The following KCNQ5 variants were observed in gnomAD, a reference collection of about 807,000 sequenced individuals.
The protein encoded by KCNQ5 is potassium voltage-gated channel subfamily KQT member 5.
In KCNQ5, 30 loss-of-function variants were observed where a neutral mutation model predicts 98.2. That is an observed-to-expected ratio of 0.31 (90% CI 0.23 to 0.41). The LOEUF (loss-of-function observed/expected upper bound fraction) is 0.41, where lower values mean the gene tolerates loss of function less well. Among genes scored for constraint, KCNQ5 ranks in the 10% least tolerant of loss-of-function variants. The pLI is 1.00. For synonymous variants in KCNQ5, 458 were observed against 449.4 expected (o/e 1.02, Z -0.24); for missense variants, 835 against 1,182.5 (o/e 0.71, Z 4.31).
chr6:72,889,583 T>C (rs1290169678), intron 1 of KCNQ5, among the ~76,000 whole-genome samples: 1 of 152,186 alleles, frequency 6.6e-6, no homozygotes, highest in African/African-American at 2.4e-5. Flanking sequence ...CCAAGCGCCA[T>C]GCTAGAAACT....
In KCNQ5 at chr6:72,622,172, G is replaced by T. The variant is rs1434064513; in HGVS notation, c.-18G>T. On this transcript the variant is annotated 5_prime_UTR_variant, in exon 1 of 14. Coordinates refer to ENST00000370398, the MANE Select transcript of KCNQ5 (RefSeq NM_019842.4). The surrounding 1 kb of genome is among the most constrained non-coding windows in gnomAD (Gnocchi z 6.0). ...CCGCAGGCGCTGGCGGCCCCCTCGC[G>T]GTGCCCGTGGTGATGCCATGCCCCG... 3.3e-6 allele frequency: 4 copies of T among 1,219,262 alleles called. No homozygotes were observed. Among genetic ancestry groups the T allele is most frequent in the East Asian group, 3.3e-5 (1 of 30,484 alleles). The allele number at this position is 1,219,262 out of a possible 1,614,324, so 75.5% of individuals were successfully genotyped here. A position where few individuals can be genotyped will look rare whatever the true frequency, so the allele number is the denominator to read the frequency against.
At chr6:72,924,756 A>G (rs1780552635) in intron 1 of KCNQ5, among the ~76,000 whole-genome samples, 1 of 152,116 alleles carries the variant, frequency 6.6e-6, no homozygotes, top group African/African-American at 2.4e-5. Flanking sequence ...CCTACAACTG[A>G]AGGATATCTT....
chr6:72,821,412 A>C (rs1775745697), intron 1 of KCNQ5, among the ~76,000 whole-genome samples: 10 of 152,180 alleles, frequency 6.6e-5, no homozygotes, highest in Admixed American at 6.5e-4. Flanking sequence ...CAGCTGCAGC[A>C]TGCATATAAA....
At chr6:73,069,633 A>G (rs1773220025) in intron 3 of KCNQ5, among the ~76,000 whole-genome samples, 1 of 152,148 alleles carries the variant, frequency 6.6e-6, no homozygotes, top group Non-Finnish European at 1.5e-5. Flanking sequence ...GTGTTATGAC[A>G]GGAGCATACC....
chr6:73,166,819 A>G (rs937167332), intron 10 of KCNQ5, among the ~76,000 whole-genome samples: 3 of 152,070 alleles, frequency 2.0e-5, no homozygotes, highest in Admixed American at 6.5e-5. Flanking sequence ...TTGTAGATGC[A>G]TTACTCCAGT....
intron 1 of KCNQ5, among the ~76,000 whole-genome samples, chr6:72,872,391 T>C (rs1259225516): frequency 6.6e-6 from 1 of 152,206 alleles, no homozygotes; most frequent in Non-Finnish European, 1.5e-5. Flanking sequence ...CAAGGGTGTG[T>C]TGCACATGAG....
intron 1 of KCNQ5, among the ~76,000 whole-genome samples, chr6:72,960,404 T>C (rs1409016442): frequency 6.6e-6 from 1 of 151,968 alleles, no homozygotes; most frequent in African/African-American, 2.4e-5. Flanking sequence ...CCCAAATACA[T>C]TTGTTGTTGT....
At chr6:73,089,240 C>T (rs1029207475) in intron 5 of KCNQ5, among the ~76,000 whole-genome samples, 15 of 152,070 alleles carry the variant, frequency 9.9e-5, no homozygotes, top group African/African-American at 2.7e-4. Context: ...ACAATTTAAT[C>T]AATATACAAT....
intron 5 of KCNQ5, among the ~76,000 whole-genome samples, chr6:73,078,684 T>A (rs1463748477): frequency 6.6e-6 from 1 of 152,188 alleles, no homozygotes; most frequent in Non-Finnish European, 1.5e-5. Context: ...CTAGGCAGAA[T>A]TTATTTACAT....
At chr6:73,185,638 G>A (rs1005826137) in intron 11 of KCNQ5, among the ~76,000 whole-genome samples, 1 of 152,180 alleles carries the variant, frequency 6.6e-6, no homozygotes, top group African/African-American at 2.4e-5. Flanking sequence ...TTCCAAGGAC[G>A]AAGTGGAAGG....
intron 10 of KCNQ5, chr6:73,135,092 A>G (rs961956003): frequency 2.6e-5 from 4 of 152,164 alleles, no homozygotes; most frequent in African/African-American, 9.7e-5. Context: ...GACACATCCC[A>G]CCTACCAATT....
At position 73,041,959 on chromosome 6, in the gene KCNQ5, T is replaced by C. The variant is rs1298263339; in HGVS notation, c.513T>C (p.Phe171=). Residue 171 remains phenylalanine, a synonymous_variant, in exon 3 of 14, where the codon TTT becomes TTC. Coordinates refer to ENST00000370398, the MANE Select transcript of KCNQ5 (RefSeq NM_019842.4). The part of the protein sequence containing the change: ...LILEFVMIVV[F]GLEFIIRIWS... Reference sequence around the variant, plus strand: ...AGGAGTTCGTGATGATTGTCGTCTTTGGTTTGGAGTTCATCATTCGAATCT... The same window carrying C: ...AGGAGTTCGTGATGATTGTCGTCTTCGGTTTGGAGTTCATCATTCGAATCT... The C allele has an allele frequency of 6.2e-7, 1 of 1,613,812 alleles. No individual in the cohort carries two copies. Among genetic ancestry groups the C allele is most frequent in the African/African-American group, 1.3e-5 (1 of 74,920 alleles).
intron 1 of KCNQ5, among the ~76,000 whole-genome samples, chr6:72,854,758 T>TTGTGTGTGTGTGTGTGTGTGTGTGTG (rs34867008): frequency 3.9e-5 from 5 of 127,158 alleles, no homozygotes; most frequent in African/African-American, 1.5e-4. Flanking sequence ...ACACCATGGT[T>TTGTGTGTGTGTGTGTGTGTGTGTGTG]TGTGTGTGTG....
intron 1 of KCNQ5, among the ~76,000 whole-genome samples, chr6:72,727,147 A>G (rs1296301560): frequency 6.6e-6 from 1 of 152,274 alleles, no homozygotes; most frequent in Non-Finnish European, 1.5e-5. Context: ...GTGATGAGCC[A>G]TATACCCCAC....
chr6:72,950,060 A>G (rs892659148), intron 1 of KCNQ5, among the ~76,000 whole-genome samples: 6 of 152,198 alleles, frequency 3.9e-5, no homozygotes, highest in African/African-American at 1.4e-4. Flanking sequence ...TCAGGAGCAG[A>G]ATTAGTATAT....
At position 72,806,889 on chromosome 6, in the gene KCNQ5, C is replaced by A. The variant is rs184996240; in HGVS notation, c.398+184302C>A. The A allele has an allele frequency of 1.4e-3, 576 of 424,174 alleles. 1 individual carries two copies. The highest frequency in any genetic ancestry group is 2.3e-3 in the Non-Finnish European group (501 of 216,282). The allele number at this position is 424,174 out of a possible 1,614,324, so 26.3% of individuals were successfully genotyped here. A position where few individuals can be genotyped will look rare whatever the true frequency, so the allele number is the denominator to read the frequency against. On this transcript the variant is annotated intron_variant, in intron 1 of 13. Coordinates refer to ENST00000370398, the MANE Select transcript of KCNQ5 (RefSeq NM_019842.4). ...TTTTTCTCCCATATGAGAATAAGAT[C>A]GACAAACAGCTTTACAGTTTGAAAA... is the stretch of plus-strand genomic sequence containing the variant.
At chr6:72,708,360 G>A (rs962838484) in intron 1 of KCNQ5, among the ~76,000 whole-genome samples, 2 of 152,124 alleles carry the variant, frequency 1.3e-5, no homozygotes, top group Admixed American at 6.6e-5. Flanking sequence ...GTATTAAGAT[G>A]TGAAATGGAA....
rs969611866 is a variant in KCNQ5, at chr6:72,859,954, C to T, written c.399-143954C>T. The stretch of plus-strand genomic sequence containing the variant: ...GTCATTTCTTTATTATTATGTAATC[C>T]TATTCACCAAAAAAAAAAAAGCTTT... On this transcript the variant is annotated intron_variant, in intron 1 of 13. Transcript: ENST00000370398. Among the ~76,000 whole-genome samples, 6 of 148,376 alleles carry T rather than the reference C, an allele frequency of 4.0e-5. No individual in the cohort carries two copies. The South Asian group carries it at 6.3e-4, about 16-fold the overall frequency.
At chr6:72,849,275 C>T (rs1756287092) in intron 1 of KCNQ5, among the ~76,000 whole-genome samples, 1 of 152,052 alleles carries the variant, frequency 6.6e-6, no homozygotes, top group African/African-American at 2.4e-5. Flanking sequence ...TTTTTGCTAT[C>T]ACAATTTCTT....
Sources: allele counts gnomAD v4.1 joint callset (sites outside exome capture counted in the v4.1 genomes callset), GRCh38; gene constraint gnomAD v4.1.1; non-coding constraint Gnocchi (gnomAD v3.1); transcripts MANE v1.5; gene names NCBI Gene and HGNC (gene_info 2026-07-23, HGNC 2026-07-21).